The following CDH12 variants were observed in gnomAD, a reference collection of about 807,000 sequenced individuals.
CDH12 encodes cadherin 12.
In CDH12, 41 loss-of-function variants were observed where a neutral mutation model predicts 74.1. The ratio of observed to expected loss-of-function variants is 0.55; its 90% CI spans 0.43 to 0.72. The LOEUF (loss-of-function observed/expected upper bound fraction) is 0.72. Among genes scored for constraint, CDH12 ranks in the 30% least tolerant of loss-of-function variants. The pLI, the probability that CDH12 is intolerant of heterozygous loss-of-function variation, is 0.00. For synonymous variants in CDH12, 399 were observed against 355.0 expected (o/e 1.12, Z -1.39); for missense variants, 945 against 977.2 (o/e 0.97, Z 0.44).
chr5:21,845,380 G>C (rs1482622233), intron 7 of CDH12, among the ~76,000 whole-genome samples: 1 of 152,090 alleles, frequency 6.6e-6, no homozygotes, highest in Non-Finnish European at 1.5e-5. Flanking sequence ...GTCAAAGCTT[G>C]TGAGAAGAAG....
At chr5:22,445,685 A>G (rs1911963) in intron 2 of CDH12, among the ~76,000 whole-genome samples, 123,001 of 152,020 alleles carry the variant, frequency 0.81, 50,030 homozygotes, top group Admixed American at 0.89. Context: ...AAGCTGGAGG[A>G]GAGAGAATAA....
chr5:22,608,628 T>C (rs1737236055), intron 1 of CDH12, among the ~76,000 whole-genome samples: 1 of 152,116 alleles, frequency 6.6e-6, no homozygotes, highest in Non-Finnish European at 1.5e-5. Flanking sequence ...ATGGTTTGGC[T>C]CTGTGTCCCC....
chr5:21,919,900 G>T (rs1579961999), intron 6 of CDH12, among the ~76,000 whole-genome samples: 1 of 151,846 alleles, frequency 6.6e-6, no homozygotes, highest in African/African-American at 2.4e-5. Context: ...TTTAAGAAAA[G>T]AAAAAATTTC....
In CDH12 at chr5:22,073,323, T is replaced by C. The variant is rs540877549; in HGVS notation, c.231+5123A>G. ...TATCTGAAATGACAACTCAATTTCC[T>C]AAATTATTCTTCGGGGATAAAAGAG... is the stretch of plus-strand genomic sequence containing the variant. On this transcript the variant is annotated intron_variant, in intron 5 of 14. Coordinates refer to ENST00000382254, the MANE Select transcript of CDH12 (RefSeq NM_004061.5). Among the ~76,000 whole-genome samples, 4 of 152,286 alleles carry C rather than the reference T, an allele frequency of 2.6e-5. 1 individual carries two copies. The South Asian group carries it at 8.3e-4, about 32-fold the overall frequency.
intron 1 of CDH12, among the ~76,000 whole-genome samples, chr5:22,843,613 GGTGT>G (rs3050972): frequency 0.38 from 56,496 of 147,692 alleles, 11,000 homozygotes; most frequent in Non-Finnish European, 0.44. Flanking sequence ...TAACATTTGT[GGTGT>G]GTGTGTGTGT....
At chr5:21,884,227 T>A in intron 6 of CDH12, 1 of 1,530,462 alleles carries the variant, frequency 6.5e-7, no homozygotes, top group Non-Finnish European at 9.1e-7. Context: ...GAAGTTGTAG[T>A]CACAGAAATT....
chr5:22,752,713 A>C, intron 1 of CDH12, among the ~76,000 whole-genome samples: 1 of 130,060 alleles, frequency 7.7e-6, no homozygotes, highest in Non-Finnish European at 1.6e-5. Flanking sequence ...CTGGGACTAC[A>C]GGCGCCCGCC....
chr5:22,698,493 G>A (rs1452228315), intron 1 of CDH12, among the ~76,000 whole-genome samples: 2 of 151,314 alleles, frequency 1.3e-5, no homozygotes, highest in East Asian at 3.9e-4. Context: ...AGTCATTGAA[G>A]CTCGTTAAAG....
intron 6 of CDH12, among the ~76,000 whole-genome samples, chr5:21,939,568 T>C (rs182804416): frequency 2.6e-5 from 4 of 152,198 alleles, no homozygotes; most frequent in African/African-American, 9.6e-5. Flanking sequence ...CAAAAGAAAA[T>C]TAGTTTCAGA....
intron 5 of CDH12, among the ~76,000 whole-genome samples, chr5:22,016,406 T>C (rs762380674): frequency 6.6e-6 from 1 of 151,818 alleles, no homozygotes; most frequent in Non-Finnish European, 1.5e-5. Flanking sequence ...TTTTTGTTTG[T>C]TTTTTTTGGA....
intron 6 of CDH12, among the ~76,000 whole-genome samples, chr5:21,856,920 G>A (rs1171092747): frequency 6.6e-6 from 1 of 151,806 alleles, no homozygotes; most frequent in African/African-American, 2.4e-5. Context: ...TAGTGAAAGA[G>A]CAGATTCCAA....
chr5:22,229,630 G>A (rs1752316478), intron 3 of CDH12, among the ~76,000 whole-genome samples: 1 of 152,074 alleles, frequency 6.6e-6, no homozygotes. Flanking sequence ...CCCTTAACCT[G>A]TAAACTTTCG....
At chr5:21,946,656 T>C (rs1755591713) in intron 6 of CDH12, among the ~76,000 whole-genome samples, 2 of 152,330 alleles carry the variant, frequency 1.3e-5, no homozygotes, top group African/African-American at 2.4e-5. Flanking sequence ...TGCTCAGCAA[T>C]AGACTGCATA....
chr5:22,740,631 A>C (rs1744981619), intron 1 of CDH12, among the ~76,000 whole-genome samples: 1 of 152,072 alleles, frequency 6.6e-6, no homozygotes, highest in Non-Finnish European at 1.5e-5. Flanking sequence ...TATATTTACA[A>C]CTTATTCTAA....
chr5:22,390,190 G>A (rs1380287588), intron 3 of CDH12, among the ~76,000 whole-genome samples: 1 of 152,070 alleles, frequency 6.6e-6, no homozygotes, highest in East Asian at 1.9e-4. Flanking sequence ...TGGAGGATGT[G>A]CTTATTATGA....
intron 6 of CDH12, among the ~76,000 whole-genome samples, chr5:21,917,090 T>C (rs924059970): frequency 1.3e-5 from 2 of 152,174 alleles, no homozygotes; most frequent in African/African-American, 4.8e-5. Context: ...TCCTCTCACC[T>C]TTAACATTTT....
chr5:21,818,026 T>C (rs886223543), intron 8 of CDH12, among the ~76,000 whole-genome samples: 2 of 152,074 alleles, frequency 1.3e-5, no homozygotes, highest in East Asian at 1.9e-4. Context: ...ATATAGTGCA[T>C]GCTCTTTTAC....
chr5:22,276,250 C>A (rs1226202950), intron 3 of CDH12, among the ~76,000 whole-genome samples: 1 of 152,062 alleles, frequency 6.6e-6, no homozygotes, highest in African/African-American at 2.4e-5. Context: ...CTTCGGACAA[C>A]AACAGGGCAT....
intron 4 of CDH12, among the ~76,000 whole-genome samples, chr5:22,087,774 C>G (rs1301093989): frequency 6.6e-6 from 1 of 152,152 alleles, no homozygotes; most frequent in African/African-American, 2.4e-5. Flanking sequence ...AGAAGGATAA[C>G]TGTGATGGAA....
Sources: gnomAD v4.1 joint callset for allele counts (sites outside exome capture counted in the v4.1 genomes callset) on GRCh38, gnomAD v4.1.1 for gene constraint, MANE v1.5 for transcripts, NCBI Gene and HGNC (gene_info 2026-07-23, HGNC 2026-07-21) for gene names.